Variants in TAB2 observed in about 807,000 individuals in gnomAD.
The protein encoded by TAB2 is TGF-beta activated kinase 1 (MAP3K7) binding protein 2.
TAB2 carries 3 observed loss-of-function variants against 65.0 expected under a neutral mutation model. That is an observed-to-expected ratio of 0.05 (90% confidence interval 0.02 to 0.12). The LOEUF (loss-of-function observed/expected upper bound fraction) is 0.12. Ranked by LOEUF, TAB2 falls within the 10% of genes least tolerant of loss-of-function variation. TAB2 has a pLI of 1.00. For missense variants in TAB2, 623 were observed against 840.3 expected, an observed-to-expected ratio of 0.74 and a Z score of 3.20; for synonymous variants, 298 against 285.1, an observed-to-expected ratio of 1.05 and a Z score of -0.46.
At chr6:149,269,212 T>A (rs1778317284) in intron 1 of TAB2, among the ~76,000 whole-genome samples, 1 of 152,176 alleles carries the variant, frequency 6.6e-6, no homozygotes, top group East Asian at 1.9e-4. Context: ...GCGAATAAAA[T>A]GATACATCCT....
chr6:149,258,881 G>C (rs994979254), intron 1 of TAB2, among the ~76,000 whole-genome samples: 3 of 152,244 alleles, frequency 2.0e-5, no homozygotes, highest in African/African-American at 7.2e-5. Context: ...CTGGACCAGT[G>C]TTAGCACAGA....
At chr6:149,379,973 C>T (rs1366596982) in intron 3 of TAB2, 1 of 450,492 alleles carries the variant, frequency 2.2e-6, no homozygotes, top group East Asian at 7.3e-5. Context: ...GGCATGGTGG[C>T]TCACGCCTGT....
At chr6:149,397,441 CAAA>C (rs375953182) in intron 3 of TAB2, among the ~76,000 whole-genome samples, 160 bp from the exon 4 acceptor site, 2 of 129,298 alleles carry the variant, frequency 1.5e-5, no homozygotes, top group Admixed American at 7.8e-5. Context: ...AACTCTGTGT[CAAA>C]AAAAAAAAAA....
At chr6:149,224,320 G>C (rs1176640427) in intron 1 of TAB2, among the ~76,000 whole-genome samples, 1 of 152,182 alleles carries the variant, frequency 6.6e-6, no homozygotes, top group Non-Finnish European at 1.5e-5. Context: ...GATAGCCAAA[G>C]CCTCCCTTTT....
chr6:149,403,001 G>A (rs748658676), intron 6 of TAB2, among the ~76,000 whole-genome samples: 7 of 151,918 alleles, frequency 4.6e-5, no homozygotes, highest in African/African-American at 7.3e-5. Flanking sequence ...TTGGGAGACC[G>A]AGGCGGGTGG....
chr6:149,357,260 A>G (rs1780682543), intron 1 of TAB2, among the ~76,000 whole-genome samples: 1 of 152,030 alleles, frequency 6.6e-6, no homozygotes, highest in Admixed American at 6.5e-5. Context: ...TACTAAAAAT[A>G]CAAAAACTAA....
chr6:149,315,764 G>T (rs577986834), upstream of TAB2, among the ~76,000 whole-genome samples: 1 of 152,274 alleles, frequency 6.6e-6, no homozygotes, highest in East Asian at 1.9e-4. Context: ...ACTTGGGTTT[G>T]TCTGATGCTT....
intron 1 of TAB2, among the ~76,000 whole-genome samples, chr6:149,329,557 A>G (rs1187243540): frequency 2.7e-5 from 4 of 150,570 alleles, no homozygotes; most frequent in Admixed American, 6.7e-5. Flanking sequence ...ATTAGATAAC[A>G]TTTGAGCAGG....
At chr6:149,353,207 C>T (rs1371841637) in intron 1 of TAB2, among the ~76,000 whole-genome samples, 1 of 152,068 alleles carries the variant, frequency 6.6e-6, no homozygotes, top group African/African-American at 2.4e-5. Context: ...CAACTTTGGA[C>T]TCTGCATTTC....
chr6:149,317,423 C>T (rs1329644072), upstream of TAB2: 2 of 167,850 alleles, frequency 1.2e-5, no homozygotes, highest in Non-Finnish European at 2.4e-5. This position sits in a 1 kb window ranked among gnomAD's most constrained non-coding sequence, Gnocchi z 4.7. Flanking sequence ...CCGCAGCCGC[C>T]GCCGCCGCCG....
intron 6 of TAB2, among the ~76,000 whole-genome samples, chr6:149,408,026 A>G (rs1782725900): frequency 6.6e-6 from 1 of 152,204 alleles, no homozygotes. Flanking sequence ...AAAACGTGTC[A>G]GGTGAAAATG....
chr6:149,240,465 C>A (rs1777577134), intron 1 of TAB2, among the ~76,000 whole-genome samples: 2 of 152,146 alleles, frequency 1.3e-5, no homozygotes, highest in South Asian at 4.1e-4. Flanking sequence ...CAGACAGATG[C>A]CTTCGGGAGA....
intron 1 of TAB2, among the ~76,000 whole-genome samples, chr6:149,232,122 T>C (rs1430055527): frequency 6.6e-6 from 1 of 151,906 alleles, no homozygotes; most frequent in Non-Finnish European, 1.5e-5. Flanking sequence ...AAGAGAAGAA[T>C]GATTGGGGAG....
intron 1 of TAB2, among the ~76,000 whole-genome samples, chr6:149,355,324 A>G (rs1454077901): frequency 6.6e-6 from 1 of 152,178 alleles, no homozygotes; most frequent in African/African-American, 2.4e-5. Flanking sequence ...GCTGCTTTCC[A>G]AAAGTTAAGC....
In TAB2 at chr6:149,378,218, G is replaced by T. The variant is rs1010066729; in HGVS notation, c.303G>T (p.Arg101Ser). 14 of 1,614,126 alleles carry T rather than the reference G, an allele frequency of 8.7e-6. No homozygotes were observed. Among genetic ancestry groups the T allele is most frequent in the South Asian group, 1.1e-5 (1 of 91,072 alleles). The change falls in exon 3 of 7, where the codon AGG (arginine) becomes AGT (serine). Residue 101 changes from arginine to serine, a missense_variant. This residue lies in a region of TAB2 where 550 missense variants were observed against 665.7 expected (regional missense o/e 0.83). Transcript: ENST00000637181. ...AAGGAAGTAGGATGAATGGAAGTAG[G>T]ACTCTAACGCACAGCATTAGTGATG... ...GREGSRMNGSRTLTHSISDGQ... is the reference protein window; with the variant it reads ...GREGSRMNGSSTLTHSISDGQ...
rs1410479803 is a variant in TAB2, at chr6:149,218,796, T to C, written c.-121+20T>C. 2.0e-5 allele frequency: 9 copies of C among 455,854 alleles called. No homozygotes were observed. The Admixed American group carries it at 2.1e-4, about 11-fold the overall frequency. 28.2% of individuals were successfully genotyped at this position (455,854 alleles called of 1,614,324 possible). A position where few individuals can be genotyped will look rare whatever the true frequency, so the allele number is the denominator to read the frequency against. On this transcript the variant is annotated intron_variant, in intron 1 of 1. Coordinates refer to the TAB2 transcript ENST00000606202. ...ATGCAGGTAAGGCAGGAAACAGTCATTGTTTCTGGAGAAAGGATCTTCTGT... is the reference window on the plus strand; with the variant it reads ...ATGCAGGTAAGGCAGGAAACAGTCACTGTTTCTGGAGAAAGGATCTTCTGT...
At chr6:149,403,273 TATATATATATACACAC>T (rs1338182301) in intron 6 of TAB2, among the ~76,000 whole-genome samples, 1,050 of 69,574 alleles carry the variant, frequency 0.015, 57 homozygotes, top group East Asian at 0.064. Context: ...TATATATATA[TATATATATATACACAC>T]ACACACATAT....
intron 1 of TAB2, among the ~76,000 whole-genome samples, chr6:149,249,697 G>A (rs896273480): frequency 1.3e-5 from 2 of 151,438 alleles, no homozygotes; most frequent in East Asian, 1.9e-4. Flanking sequence ...TATCTTTCAC[G>A]GCGCCCTCAC....
At chr6:149,237,488 T>C (rs4897094) in intron 1 of TAB2, among the ~76,000 whole-genome samples, 125,652 of 152,188 alleles carry the variant, frequency 0.83, 52,050 homozygotes, top group East Asian at 0.95. Flanking sequence ...ACCCCCATGA[T>C]GATACAATGG....
Sources: allele counts gnomAD v4.1 joint callset (sites outside exome capture counted in the v4.1 genomes callset), GRCh38; gene constraint gnomAD v4.1.1; regional missense constraint gnomAD v4.1.1; non-coding constraint Gnocchi (gnomAD v3.1); transcripts MANE v1.5; gene names NCBI Gene and HGNC (gene_info 2026-07-23, HGNC 2026-07-21).